Variants in XIST observed in about 807,000 individuals in gnomAD.
XIST encodes the protein X inactive specific transcript (non-protein coding).
exon 1 of XIST, chrX:73,842,664 G>A (rs1922623819): frequency 1.1e-5 from 6 of 558,249 alleles, no homozygotes; most frequent in Non-Finnish European, 1.9e-5. Context: ...TGGGTAGTCA[G>A]CATACTCAGA....
At position 73,840,367 on chromosome X, in the gene XIST, G is replaced by T. The variant is rs746052976; in HGVS notation, n.11342+1015C>A. On this transcript the variant is annotated intron_variant and non_coding_transcript_variant, in intron 1 of 5. Coordinates refer to ENST00000429829, the Ensembl canonical transcript of XIST. ...GGAAATATGGATATGAATTAAAACG[G>T]GCTATAAGTGAAGCCAGTTCACTTA... Among the ~76,000 whole-genome samples, 3 of 111,145 alleles carry T rather than the reference G, an allele frequency of 2.7e-5. No homozygotes were observed. The South Asian group carries it at 1.1e-3, about 42-fold the overall frequency.
chrX:73,848,343 A>T, exon 1 of XIST: 1 of 556,289 alleles, frequency 1.8e-6, no homozygotes, highest in Non-Finnish European at 3.2e-6. Context: ...CTCTTGATGT[A>T]AAGCAAAGAT....
At chrX:73,844,418 G>C in exon 1 of XIST, 1 of 558,450 alleles carries the variant, frequency 1.8e-6, no homozygotes, top group South Asian at 2.2e-5. Context: ...CAAGAATATA[G>C]ACAAGCCAAG....
At chrX:73,846,225 A>T in exon 1 of XIST, 1 of 559,420 alleles carries the variant, frequency 1.8e-6, no homozygotes, top group Non-Finnish European at 3.2e-6. Flanking sequence ...CTGTACTGCA[A>T]AAGGGGTCTG....
exon 1 of XIST, chrX:73,846,239 G>A (rs777256114): frequency 4.5e-5 from 25 of 557,767 alleles, no homozygotes; most frequent in Non-Finnish European, 7.8e-5. Context: ...GGGTCTGAGA[G>A]TAGGATTTTA....
At chrX:73,852,601 TA>T in exon 1 of XIST, 1 of 493,929 alleles carries the variant, frequency 2.0e-6, no homozygotes, top group African/African-American at 2.4e-5. Flanking sequence ...GTGATTTTTT[TA>T]AAGAAATACG....
chrX:73,841,236 TTCTC>T (rs1171191127), intron 1 of XIST: 1 of 371,585 alleles, frequency 2.7e-6, no homozygotes, highest in South Asian at 7.5e-5. Context: ...ATGTATCTAT[TTCTC>T]TCTCTATATA....
exon 1 of XIST, chrX:73,850,701 G>A (rs763261086): frequency 9.7e-5 from 26 of 268,887 alleles, no homozygotes; most frequent in Non-Finnish European, 1.5e-4. Context: ...GGGGGGTAGG[G>A]GGGTAGGGGG....
Position 73,822,931 on chromosome X carries a change from CT to C in XIST, n.16969del, listed in dbSNP as rs772805377. 1.1e-5 allele frequency: 6 copies of C among 557,286 alleles called. No homozygotes were observed. The African/African-American group carries it at 1.1e-4, about 10-fold the overall frequency. The allele number at this position is 557,286 out of a possible 1,213,427, so 45.9% of individuals were successfully genotyped here. A position where few individuals can be genotyped will look rare whatever the true frequency, so the allele number is the denominator to read the frequency against. On this transcript the variant is annotated non_coding_transcript_exon_variant, in exon 6 of 6. Transcript: ENST00000429829. ...ACACAGTCTCTTAGAGAATTTGTTC[CT>C]GTGTTTCCACCATAAGATAAATGAG... is the stretch of plus-strand genomic sequence containing the variant.
exon 1 of XIST, chrX:73,847,772 C>A: frequency 1.8e-6 from 1 of 558,785 alleles, no homozygotes; most frequent in Non-Finnish European, 3.2e-6. Flanking sequence ...GAGAAGGACT[C>A]TGGGTTTCCA....
exon 1 of XIST, chrX:73,849,125 A>G (rs748018502): frequency 1.8e-6 from 1 of 559,428 alleles, no homozygotes; most frequent in Non-Finnish European, 3.2e-6. Context: ...CGCTGCCTCA[A>G]GGCAAATGCA....
chrX:73,852,300 A>G lies in XIST; in HGVS notation n.424T>C, dbSNP rs769942280. 1.1e-5 allele frequency: 6 copies of G among 539,917 alleles called. No individual in the cohort carries two copies. In the African/African-American group the frequency reaches 1.4e-4, roughly 13 times the overall value. The allele number at this position is 539,917 out of a possible 1,213,427, so 44.5% of individuals were successfully genotyped here. On this transcript the variant is annotated non_coding_transcript_exon_variant, in exon 1 of 6. Transcript: ENST00000429829. ...GTATCCGCGGCCCCGATGGGCGAAT[A>G]AAAAAGAATTAAAAGGCAGGTATCC...
chrX:73,851,612 T>C (rs1031401928), exon 1 of XIST: 2 of 557,031 alleles, frequency 3.6e-6, no homozygotes, highest in African/African-American at 4.5e-5. Context: ...ACTAGTCCCT[T>C]GTACTGATAA....
At chrX:73,822,445 T>G (rs1431491706) in exon 6 of XIST, 2 of 512,864 alleles carry the variant, frequency 3.9e-6, no homozygotes, top group African/African-American at 4.6e-5. Flanking sequence ...TTTTTTCCCA[T>G]GTCTCTGGGG....
exon 1 of XIST, chrX:73,847,025 A>G (rs755453686): frequency 1.4e-5 from 8 of 557,811 alleles, no homozygotes; most frequent in African/African-American, 6.7e-5. Context: ...AAAAGGCACA[A>G]CTGTATGCAA....
Position 73,835,892 on chromosome X carries a change from A to G in XIST, n.11406+1548T>C, listed in dbSNP as rs1569511988. 2.7e-5 allele frequency among the ~76,000 whole-genome samples: 3 copies of G among 112,206 alleles called. No homozygotes were observed. The South Asian group carries it at 1.1e-3, about 41-fold the overall frequency. On this transcript the variant is annotated intron_variant and non_coding_transcript_variant, in intron 2 of 5. Coordinates refer to ENST00000429829, the Ensembl canonical transcript of XIST. ...ATGTTATTTTAAATTGCTGATTAAT[A>G]TGCAATGCACATGACAATGCTGTTA...
chrX:73,838,910 G>T (rs767483803), intron 1 of XIST, among the ~76,000 whole-genome samples: 20 of 111,452 alleles, frequency 1.8e-4, no homozygotes, highest in Non-Finnish European at 2.6e-4. Context: ...GAAGGCATTA[G>T]CTCTGTTTAA....
At chrX:73,849,029 C>A (rs771733501) in exon 1 of XIST, 1 of 557,329 alleles carries the variant, frequency 1.8e-6, no homozygotes, top group East Asian at 3.3e-5. Flanking sequence ...AAGATGTTTG[C>A]AAAGGCCATA....
chrX:73,841,937 T>C (rs1243779192), exon 1 of XIST: 1 of 530,256 alleles, frequency 1.9e-6, no homozygotes, highest in East Asian at 3.4e-5. Context: ...AGGTAGTTTT[T>C]CTAAAAGTGA....
Sources: allele counts gnomAD v4.1 joint callset (sites outside exome capture counted in the v4.1 genomes callset), GRCh38; gene constraint gnomAD v4.1.1; transcripts MANE v1.5; gene names NCBI Gene and HGNC (gene_info 2026-07-23, HGNC 2026-07-21).